Variants in GSE1 observed in about 807,000 individuals in gnomAD.
GSE1 encodes genetic suppressor element 1.
Under a neutral mutation model 112.6 loss-of-function variants are expected in GSE1, and 32 were observed. The observed-to-expected ratio is 0.28, with a 90% CI of 0.21 to 0.38. The LOEUF (loss-of-function observed/expected upper bound fraction) is 0.38, where lower values mean the gene tolerates loss of function less well. Ranked by LOEUF, GSE1 falls within the 10% of genes least tolerant of loss-of-function variation. GSE1 has a pLI of 1.00. For missense variants in GSE1, 2,348 were observed against 1,699.2 expected, an observed-to-expected ratio of 1.38 and a Z score of -6.71; for synonymous variants, 1,115 against 735.6, an observed-to-expected ratio of 1.52 and a Z score of -8.35.
intron 1 of GSE1, among the ~76,000 whole-genome samples, chr16:85,238,184 A>C (rs949959647): frequency 1.8e-4 from 28 of 152,070 alleles, no homozygotes; most frequent in African/African-American, 6.8e-4. Flanking sequence ...GCGTCCTGCT[A>C]TTGATGTTTT....
At position 85,657,607 on chromosome 16, in the gene GSE1, G is replaced by C. The variant is rs749364761; in HGVS notation, c.1640+3G>C. 1.3e-6 allele frequency: 2 copies of C among 1,508,208 alleles called. No homozygotes were observed. Among genetic ancestry groups the C allele is most frequent in the Non-Finnish European group, 1.8e-6 (2 of 1,129,050 alleles). The allele number at this position is 1,508,208 out of a possible 1,614,324, so 93.4% of individuals were successfully genotyped here. Reference sequence around the variant, plus strand: ...CACAGGCCGGAGAGCACCACCAGGTGAGTGAGCCCCAGGAAGGAAGGAGGG... The same window carrying C: ...CACAGGCCGGAGAGCACCACCAGGTCAGTGAGCCCCAGGAAGGAAGGAGGG... On this transcript the variant is annotated splice_donor_region_variant and intron_variant, in intron 8 of 15. Transcript: ENST00000253458.
At chr16:85,503,904 C>T (rs1056099044) in intron 2 of GSE1, among the ~76,000 whole-genome samples, 1 of 152,192 alleles carries the variant, frequency 6.6e-6, no homozygotes, top group South Asian at 2.1e-4. Flanking sequence ...GGGAATTCGC[C>T]GGCGCTTAAT....
chr16:85,586,457 C>G (rs969311867), intron 1 of GSE1, among the ~76,000 whole-genome samples: 5 of 152,142 alleles, frequency 3.3e-5, no homozygotes, highest in South Asian at 2.1e-4. Flanking sequence ...GGGCTCAGCC[C>G]GAAGGCTGTT....
At chr16:85,345,527 T>C (rs1202878590) in intron 1 of GSE1, among the ~76,000 whole-genome samples, 1 of 152,232 alleles carries the variant, frequency 6.6e-6, no homozygotes, top group Non-Finnish European at 1.5e-5. Flanking sequence ...GTGTCCTCGT[T>C]TCCTTCAGGT....
intron 1 of GSE1, among the ~76,000 whole-genome samples, chr16:85,347,006 A>G (rs1309564665): frequency 6.6e-6 from 1 of 152,160 alleles, no homozygotes; most frequent in African/African-American, 2.4e-5. Context: ...GCTGAACCAA[A>G]TAACGTGGCT....
intron 2 of GSE1, among the ~76,000 whole-genome samples, chr16:85,635,368 C>G (rs566123478): frequency 6.6e-6 from 1 of 152,198 alleles, no homozygotes; most frequent in Admixed American, 6.5e-5. Flanking sequence ...AAACCCTCCA[C>G]GCCCTTGGCA....
chr16:85,383,906 A>G (rs1303353379), intron 2 of GSE1, among the ~76,000 whole-genome samples: 1 of 152,148 alleles, frequency 6.6e-6, no homozygotes, highest in Non-Finnish European at 1.5e-5. Context: ...GGTCCACAGG[A>G]TTGTGTCCTT....
upstream of GSE1, chr16:85,555,353 GAGTC>G: frequency 1.0e-6 from 1 of 984,104 alleles, no homozygotes; most frequent in Non-Finnish European, 1.2e-6. Flanking sequence ...CCCTCTCTCT[GAGTC>G]AGTGGTGGGA....
At chr16:85,325,962 T>G (rs1387056969) in intron 1 of GSE1, among the ~76,000 whole-genome samples, 1 of 151,580 alleles carries the variant, frequency 6.6e-6, no homozygotes, top group East Asian at 1.9e-4. Flanking sequence ...TTGGTCAGGC[T>G]GGTCTCGAAC....
At chr16:85,287,544 G>C (rs2045072536) in intron 1 of GSE1, among the ~76,000 whole-genome samples, 1 of 152,064 alleles carries the variant, frequency 6.6e-6, no homozygotes, top group Admixed American at 6.5e-5. Flanking sequence ...CGCTGCCTCA[G>C]GGCCTTTGTA....
At chr16:85,651,614 G>A (rs986780402) in intron 3 of GSE1, among the ~76,000 whole-genome samples, 47 of 152,332 alleles carry the variant, frequency 3.1e-4, no homozygotes, top group Middle Eastern at 3.4e-3. Flanking sequence ...TGCGGAGGAG[G>A]GCGGCAGGCC....
At chr16:85,395,914 C>T (rs1332759582) in intron 2 of GSE1, among the ~76,000 whole-genome samples, 4 of 151,692 alleles carry the variant, frequency 2.6e-5, no homozygotes, top group East Asian at 3.9e-4. Context: ...CGTGAGGAGT[C>T]CCGGCGGCCT....
intron 1 of GSE1, among the ~76,000 whole-genome samples, chr16:85,629,402 A>G (rs2049356612): frequency 6.6e-6 from 1 of 152,200 alleles, no homozygotes; most frequent in Non-Finnish European, 1.5e-5. Context: ...CTGGAGGTGA[A>G]ATGACCATAC....
intron 1 of GSE1, among the ~76,000 whole-genome samples, chr16:85,233,649 G>GGGGT (rs1376164830): frequency 1.3e-5 from 2 of 152,136 alleles, no homozygotes; most frequent in Non-Finnish European, 2.9e-5. Flanking sequence ...GTGTGGATGG[G>GGGGT]GGGTGTGCGT....
chr16:85,469,771 C>G (rs1161230100), intron 2 of GSE1, among the ~76,000 whole-genome samples: 2 of 152,196 alleles, frequency 1.3e-5, no homozygotes, highest in African/African-American at 4.8e-5. Context: ...AGGTCATTTT[C>G]CCGTCTGAAA....
At chr16:85,635,775 G>A (rs1443450602) in intron 2 of GSE1, among the ~76,000 whole-genome samples, 1 of 152,222 alleles carries the variant, frequency 6.6e-6, no homozygotes, top group Non-Finnish European at 1.5e-5. Context: ...TCCAGCAGCT[G>A]TGTCTGCTTT....
At chr16:85,370,395 G>A (rs753059139) in intron 2 of GSE1, among the ~76,000 whole-genome samples, 26 of 152,118 alleles carry the variant, frequency 1.7e-4, no homozygotes, top group East Asian at 7.7e-4. Context: ...TGCTCAACCC[G>A]TCTATCCCCA....
At chr16:85,295,363 C>T (rs1163799431) in intron 1 of GSE1, among the ~76,000 whole-genome samples, 1 of 152,252 alleles carries the variant, frequency 6.6e-6, no homozygotes, top group African/African-American at 2.4e-5. Flanking sequence ...AATCAGTTTT[C>T]AAGGTTCACG....
chr16:85,381,377 C>T (rs1473809947), intron 2 of GSE1, among the ~76,000 whole-genome samples: 1 of 152,092 alleles, frequency 6.6e-6, no homozygotes, highest in Non-Finnish European at 1.5e-5. Context: ...TTGGGCTGTC[C>T]CCAGGTTTGG....
Sources: allele counts gnomAD v4.1 joint callset (sites outside exome capture counted in the v4.1 genomes callset), GRCh38; gene constraint gnomAD v4.1.1; transcripts MANE v1.5; gene names NCBI Gene and HGNC (gene_info 2026-07-23, HGNC 2026-07-21).